Variants in CHD2 observed in about 807,000 individuals in gnomAD.
The protein encoded by CHD2 is chromodomain helicase DNA binding protein 2.
Under a neutral mutation model 243.9 loss-of-function variants are expected in CHD2, and 28 were observed. The observed-to-expected ratio is 0.11, with a 90% CI of 0.09 to 0.16. The LOEUF (loss-of-function observed/expected upper bound fraction) is 0.16, where lower values mean the gene tolerates loss of function less well. Among genes scored for constraint, CHD2 ranks in the 10% least tolerant of loss-of-function variants. The probability of loss-of-function intolerance (pLI) is 1.00; values close to 1 mark genes in which losing one functional copy is unlikely to be tolerated. For missense variants in CHD2, 1,386 were observed against 2,209.8 expected, an observed-to-expected ratio of 0.63 and a Z score of 7.47; for synonymous variants, 775 against 779.0, an observed-to-expected ratio of 0.99 and a Z score of 0.09.
chr15:92,990,574 A>C (rs1162472815), intron 26 of CHD2, among the ~76,000 whole-genome samples: 1 of 152,192 alleles, frequency 6.6e-6, no homozygotes, highest in African/African-American at 2.4e-5. Flanking sequence ...TTAAGGAGTA[A>C]TCCTCAGGTT....
chr15:93,023,439 C>G (rs2141759515), intron 38 of CHD2, among the ~76,000 whole-genome samples: 1 of 152,282 alleles, frequency 6.6e-6, no homozygotes, highest in Non-Finnish European at 1.5e-5. Flanking sequence ...TGAGTTGTTT[C>G]CATCTTTGGG....
At chr15:92,925,776 G>A (rs2053048622) in intron 3 of CHD2, among the ~76,000 whole-genome samples, 1 of 152,040 alleles carries the variant, frequency 6.6e-6, no homozygotes, top group Admixed American at 6.6e-5. Flanking sequence ...TAACTCCAAG[G>A]TGATGCTAAG....
At chr15:92,952,946 G>A (rs2053573112) in intron 13 of CHD2, among the ~76,000 whole-genome samples, 1 of 152,238 alleles carries the variant, frequency 6.6e-6, no homozygotes, top group Admixed American at 6.5e-5. Context: ...GCCTGCAGTG[G>A]AATGGGGTGG....
At position 92,956,546 on chromosome 15, in the gene CHD2, C is replaced by CTGAT; in HGVS notation, c.1903_1906dup (p.Phe636Ter). On this transcript the variant is annotated frameshift_variant, in exon 16 of 39. Coordinates refer to ENST00000394196, the MANE Select transcript of CHD2 (RefSeq NM_001271.4). LOFTEE classifies it high-confidence loss of function. ...TGATGACTCTTTATTGTATAAAACT[C>CTGAT]TGATTGATTTCAAGTCCAACCATAG... 1 of 1,613,942 alleles carries CTGAT rather than the reference C, an allele frequency of 6.2e-7. No individual in the cohort carries two copies. Among genetic ancestry groups the CTGAT allele is most frequent in the Non-Finnish European group, 8.5e-7 (1 of 1,179,908 alleles).
chr15:92,933,806 C>A (rs985862195), intron 5 of CHD2, among the ~76,000 whole-genome samples: 1 of 152,142 alleles, frequency 6.6e-6, no homozygotes, highest in Non-Finnish European at 1.5e-5. Flanking sequence ...GGGTCTCACT[C>A]TGATGCCCAG....
rs927583933 is a variant in CHD2 at position 93,026,170 on chromosome 15, C to T, written c.*1465C>T. ...GATTGCCAGTATTGTTAAGAGTATC[C>T]AAAGGCCTTTCTAGATGGAGACAGA... is the stretch of plus-strand genomic sequence containing the variant. On this transcript the variant is annotated 3_prime_UTR_variant, in exon 39 of 39. Transcript: ENST00000394196. 13 of 152,588 alleles carry T rather than the reference C, an allele frequency of 8.5e-5. No individual in the cohort carries two copies. Among genetic ancestry groups the T allele is most frequent in the Admixed American group, 3.9e-4 (6 of 15,282 alleles). The allele number at this position is 152,588 out of a possible 1,614,324, so 9.5% of individuals were successfully genotyped here.
intron 2 of CHD2, chr15:92,905,135 A>G (rs983624422): frequency 1.3e-6 from 1 of 776,052 alleles, no homozygotes; most frequent in Non-Finnish European, 2.0e-6. Context: ...ATTACTATGT[A>G]AGTAAATGTC....
intron 17 of CHD2, among the ~76,000 whole-genome samples, chr15:92,969,419 A>C (rs534958024): frequency 6.6e-6 from 1 of 152,270 alleles, no homozygotes; most frequent in East Asian, 1.9e-4. Context: ...CATCCCCACC[A>C]AACCTCACTT....
In CHD2 at chr15:93,009,433, C is replaced by T. The variant is rs1391923919; in HGVS notation, c.4592+110C>T. On this transcript the variant is annotated intron_variant, in intron 35 of 38. Transcript: ENST00000394196. ...GCCACCTAAGAAATCTTTCTCCCAG[C>T]ACAACTCATCTATTGGCAATATACC... 8 of 1,039,784 alleles carry T rather than the reference C, an allele frequency of 7.7e-6. No homozygotes were observed. In the Admixed American group the frequency reaches 2.3e-4, roughly 30 times the overall value. The allele number at this position is 1,039,784 out of a possible 1,614,324, so 64.4% of individuals were successfully genotyped here. A position where few individuals can be genotyped will look rare whatever the true frequency, so the allele number is the denominator to read the frequency against.
rs2054405934 is a variant in CHD2 at position 93,012,547 on chromosome 15, G to T, written c.4692+103G>T. ...ATGGGGAGATGATCACAGAATCATG[G>T]GTTATTGCTGGTGCTAATAGTCAAA... is the stretch of plus-strand genomic sequence containing the variant. On this transcript the variant is annotated intron_variant, in intron 36 of 38. Transcript: ENST00000394196. The T allele has an allele frequency of 4.3e-6, 3 of 700,492 alleles. No individual in the cohort carries two copies. In the South Asian group the frequency reaches 5.9e-5, roughly 14 times the overall value. The allele number at this position is 700,492 out of a possible 1,614,324, so 43.4% of individuals were successfully genotyped here. A position where few individuals can be genotyped will look rare whatever the true frequency, so the allele number is the denominator to read the frequency against.
intron 38 of CHD2, among the ~76,000 whole-genome samples, chr15:93,023,677 TTG>T (rs1216016110): frequency 7.2e-6 from 1 of 138,898 alleles, no homozygotes; most frequent in Non-Finnish European, 1.6e-5. Context: ...GGTTTTTTTT[TTG>T]TGTTTTTTTT....
intron 35 of CHD2, among the ~76,000 whole-genome samples, chr15:93,011,748 A>G (rs1156454204): frequency 6.6e-6 from 1 of 152,200 alleles, no homozygotes; most frequent in African/African-American, 2.4e-5. Context: ...TAGGGTGAAC[A>G]TAATGGAATT....
At position 92,997,359 on chromosome 15, in the gene CHD2, T is replaced by C; in HGVS notation, c.3841T>C (p.Trp1281Arg). 1 of 1,611,604 alleles carries C rather than the reference T, an allele frequency of 6.2e-7. No individual in the cohort carries two copies. The highest frequency in any genetic ancestry group is 8.5e-7 in the Non-Finnish European group (1 of 1,179,232). ...LGIYEHGYGN[W>R]ELIKTDPELK... ...GATTTATGAACATGGCTATGGAAAC[T>C]GGGAGTTAATTAAAACAGACCCAGA... Residue 1281 changes from tryptophan to arginine, a missense_variant, in exon 30 of 39, where the codon TGG (tryptophan) becomes CGG (arginine). Coordinates refer to ENST00000394196, the MANE Select transcript of CHD2 (RefSeq NM_001271.4). This position sits in a 1 kb window ranked among gnomAD's most constrained non-coding sequence, Gnocchi z 4.1.
At chr15:92,947,118 G>A (rs1163636469) in intron 12 of CHD2, 1 of 152,132 alleles carries the variant, frequency 6.6e-6, no homozygotes, top group Non-Finnish European at 1.5e-5. Flanking sequence ...CAAGTGATAC[G>A]TCTCTGAGAA....
intron 2 of CHD2, among the ~76,000 whole-genome samples, chr15:92,912,428 C>G (rs2052754669): frequency 1.3e-5 from 2 of 152,360 alleles, no homozygotes; most frequent in South Asian, 4.1e-4. Context: ...GCAGTCTCGG[C>G]TTACTGTAAC....
rs1032618578 is a variant in CHD2, at chr15:92,979,081, T to G, written c.2728-54T>G. On this transcript the variant is annotated intron_variant, in intron 21 of 38. Coordinates refer to ENST00000394196, the MANE Select transcript of CHD2 (RefSeq NM_001271.4). ...CAGAGCTAATCCTTCTCTCTTTTTT[T>G]GGGGGGGTTGGGGGGTGGTTCAGGC... 3.8e-5 allele frequency: 60 copies of G among 1,579,894 alleles called. No individual in the cohort carries two copies. Among genetic ancestry groups the G allele is most frequent in the East Asian group, 2.7e-4 (12 of 44,642 alleles).
intron 21 of CHD2, 43 bp from the exon 22 acceptor site, chr15:92,979,092 G>T: frequency 1.2e-6 from 2 of 1,600,994 alleles, no homozygotes; most frequent in Non-Finnish European, 8.5e-7. Context: ...GGGGGGGTTG[G>T]GGGGTGGTTC....
intron 13 of CHD2, 108 bp from the exon 14 acceptor site, chr15:92,953,249 C>T (rs1043612545): frequency 1.1e-4 from 86 of 808,056 alleles, no homozygotes; most frequent in Non-Finnish European, 1.6e-4. Context: ...TGAATGACAC[C>T]TTGCTTGGCT....
At chr15:92,922,338 A>G (rs1417811142) in intron 2 of CHD2, among the ~76,000 whole-genome samples, 1 of 152,206 alleles carries the variant, frequency 6.6e-6, no homozygotes, top group Admixed American at 6.5e-5. Context: ...TAATACATAT[A>G]AAGTACTTAG....
Sources: allele counts gnomAD v4.1 joint callset (sites outside exome capture counted in the v4.1 genomes callset), GRCh38; gene constraint gnomAD v4.1.1; non-coding constraint Gnocchi (gnomAD v3.1); transcripts MANE v1.5; gene names NCBI Gene and HGNC (gene_info 2026-07-23, HGNC 2026-07-21).